The following POP1 variants were observed in gnomAD, a reference collection of about 807,000 sequenced individuals.
The protein encoded by POP1 is POP1 ribonuclease P/MRP subunit, also known as ribonucleases P/MRP protein subunit POP1.
POP1 carries 75 observed loss-of-function variants against 102.2 expected under a neutral mutation model. The ratio of observed to expected loss-of-function variants is 0.73; its 90% confidence interval spans 0.61 to 0.89. The LOEUF (loss-of-function observed/expected upper bound fraction) is 0.89, where lower values mean the gene tolerates loss of function less well. POP1 is among the 40% of genes least tolerant of loss of function. The pLI, the probability that POP1 is intolerant of heterozygous loss-of-function variation, is 0.00. For missense variants in POP1, 1,116 were observed against 1,267.4 expected, an observed-to-expected ratio of 0.88 and a Z score of 1.81; for synonymous variants, 436 against 464.1, an observed-to-expected ratio of 0.94 and a Z score of 0.78.
At chr8:98,135,106 T>C (rs79363673) in intron 7 of POP1, among the ~76,000 whole-genome samples, 11,051 of 152,150 alleles carry the variant, frequency 0.073, 617 homozygotes, top group Middle Eastern at 0.16. Context: ...GGTGAAACCC[T>C]GTCTCTGCAA....
chr8:98,145,676 C>T (rs1427484840), intron 11 of POP1, among the ~76,000 whole-genome samples: 1 of 152,138 alleles, frequency 6.6e-6, no homozygotes, highest in East Asian at 1.9e-4. Flanking sequence ...GAGGCCGAGG[C>T]AGGTGGATCA....
rs557666533 is a variant in POP1 at position 98,144,368 on chromosome 8, C to T, written c.1595-2200C>T. ...ATGGCTCACTGCAGCCTTGAACTCC[C>T]GGGCTCAAGCGATCCTCCCACCGCA... On this transcript the variant is annotated intron_variant, in intron 11 of 15. Coordinates refer to ENST00000401707, the MANE Select transcript of POP1 (RefSeq NM_001145860.2). Among the ~76,000 whole-genome samples the T allele has an allele frequency of 1.3e-4, 19 of 151,938 alleles. No homozygotes were observed. In the South Asian group the frequency reaches 2.5e-3, roughly 20 times the overall value.
At chr8:98,153,992 T>C (rs1005702803) in intron 14 of POP1, among the ~76,000 whole-genome samples, 2 of 152,140 alleles carry the variant, frequency 1.3e-5, no homozygotes, top group African/African-American at 4.8e-5. Context: ...GTGGGGGGAT[T>C]AAGTAGCACA....
chr8:98,127,866 T>C (rs540887856), intron 3 of POP1, 104 bp downstream of exon 3: 32 of 1,208,142 alleles, frequency 2.6e-5, no homozygotes, highest in Non-Finnish European at 3.9e-5. Flanking sequence ...CTCCCCTACC[T>C]CTCCTCTCCT....
Position 98,156,152 on chromosome 8 carries a change from G to A in POP1, c.2160G>A (p.Gln720=). The change falls in exon 15 of 16, where the codon CAG becomes CAA. Residue 720 remains glutamine (Q), a synonymous_variant. Coordinates refer to ENST00000401707, the MANE Select transcript of POP1 (RefSeq NM_001145860.2). The part of the protein sequence containing the change: ...QLTQDWESRV[Q]AYEEPSVASS... ...CTCAAGACTGGGAGTCAAGAGTCCA[G>A]GCTTACGAAGAACCTTCTGTAGCTT... 1 of 1,614,098 alleles carries A rather than the reference G, an allele frequency of 6.2e-7. No individual in the cohort carries two copies. The highest frequency in any genetic ancestry group is 8.5e-7 in the Non-Finnish European group (1 of 1,180,026).
In POP1 at chr8:98,159,616, G is replaced by A. The variant is rs1220703999; in HGVS notation, c.*1345G>A. The A allele has an allele frequency of 6.6e-6, 1 of 152,118 alleles. No individual in the cohort carries two copies. The highest frequency in any genetic ancestry group is 6.5e-5 in the Admixed American group (1 of 15,274). The allele number at this position is 152,118 out of a possible 1,614,324, so 9.4% of individuals were successfully genotyped here. A position where few individuals can be genotyped will look rare whatever the true frequency, so the allele number is the denominator to read the frequency against. Reference sequence around the variant, plus strand: ...TATGTAAATGCATTGGGTTTTTACTGTAGCATTTGGCACTAAATGGCTTTG... The same window carrying A: ...TATGTAAATGCATTGGGTTTTTACTATAGCATTTGGCACTAAATGGCTTTG... On this transcript the variant is annotated 3_prime_UTR_variant, in exon 16 of 16. Coordinates refer to ENST00000401707, the MANE Select transcript of POP1 (RefSeq NM_001145860.2).
Position 98,139,100 on chromosome 8 carries a change from C to T in POP1, c.1363-978C>T, listed in dbSNP as rs572571759. 1.0e-3 allele frequency among the ~76,000 whole-genome samples: 154 copies of T among 152,286 alleles called. 1 individual carries two copies. Among genetic ancestry groups the T allele is most frequent in the Non-Finnish European group, 1.5e-3 (105 of 68,022 alleles). On this transcript the variant is annotated intron_variant, in intron 9 of 15. Coordinates refer to ENST00000401707, the MANE Select transcript of POP1 (RefSeq NM_001145860.2). Reference sequence around the variant, plus strand: ...TCCTGGCCTCAAGTGACCCGCCTGCCTCGGCCTACCAAAATGCTGGCATTA... The same window carrying T: ...TCCTGGCCTCAAGTGACCCGCCTGCTTCGGCCTACCAAAATGCTGGCATTA...
chr8:98,150,511 G>T lies in POP1; in HGVS notation c.1929G>T (p.Gly643=). ...PFIYRGVRVG[G]LKESAVHSQY... Reference sequence around the variant, plus strand: ...TTTATCGAGGTGTGAGAGTCGGAGGGTTGAAAGAGTCTGCAGTGCATTCTC... The same window carrying T: ...TTTATCGAGGTGTGAGAGTCGGAGGTTTGAAAGAGTCTGCAGTGCATTCTC... The change falls in exon 14 of 16, where the codon GGG becomes GGT. Residue 643 remains glycine, a synonymous_variant. Coordinates refer to ENST00000401707, the MANE Select transcript of POP1 (RefSeq NM_001145860.2). 6.2e-7 allele frequency: 1 copy of T among 1,614,002 alleles called. No homozygotes were observed.
chr8:98,127,012 A>T (rs1214307587), intron 2 of POP1, among the ~76,000 whole-genome samples: 1 of 152,146 alleles, frequency 6.6e-6, no homozygotes, highest in Admixed American at 6.5e-5. Flanking sequence ...GAGGGCTGAA[A>T]AGTCCAAGAT....
At chr8:98,126,966 T>G (rs1470726868) in intron 2 of POP1, among the ~76,000 whole-genome samples, 1 of 152,144 alleles carries the variant, frequency 6.6e-6, no homozygotes, top group Non-Finnish European at 1.5e-5. Context: ...TCTTACTGGG[T>G]AGCTTATAAA....
At chr8:98,148,690 T>C (rs1256902303) in intron 12 of POP1, 125 bp from the exon 13 acceptor site, 5 of 830,492 alleles carry the variant, frequency 6.0e-6, no homozygotes, top group Non-Finnish European at 7.9e-6. Context: ...TTTATTTATT[T>C]AGAACGTTTT....
At chr8:98,129,601 A>G (rs1356376608) in intron 4 of POP1, among the ~76,000 whole-genome samples, 3 of 152,312 alleles carry the variant, frequency 2.0e-5, no homozygotes, top group African/African-American at 7.2e-5. Flanking sequence ...TTACAATTCT[A>G]CAGGTTAAAA....
intron 5 of POP1, among the ~76,000 whole-genome samples, chr8:98,130,463 A>G (rs116017409): frequency 0.01 from 1,568 of 152,290 alleles, 31 homozygotes; most frequent in African/African-American, 0.036. Context: ...AGGGAAAAGC[A>G]TACAGTATGA....
chr8:98,126,543 AG>A (rs1423771136), intron 2 of POP1, among the ~76,000 whole-genome samples: 1 of 152,192 alleles, frequency 6.6e-6, no homozygotes, highest in South Asian at 2.1e-4. Context: ...ACACCCACAA[AG>A]ACAAATAAAA....
At chr8:98,143,991 TA>T (rs1349489127) in intron 11 of POP1, among the ~76,000 whole-genome samples, 345 of 138,844 alleles carry the variant, frequency 2.5e-3, no homozygotes, top group Middle Eastern at 3.7e-3. Flanking sequence ...CTGTCTCTAC[TA>T]AAAAAAAAAA....
rs751972489 is a variant in POP1 at position 98,157,696 on chromosome 8, G to T, written c.2500G>T (p.Gly834Cys). Residue 834 changes from glycine (G) to cysteine (C), a missense_variant, in exon 16 of 16, where the codon GGC (glycine) becomes TGC (cysteine). Gly to Cys is a radical substitution (Grantham distance 159, BLOSUM62 -3). Coordinates refer to ENST00000401707, the MANE Select transcript of POP1 (RefSeq NM_001145860.2). ...EDSRGGRRAP[G>C]RGQQGLTREA... is the part of the protein sequence containing the mutation. ...TAGTCGGGGAGGCCGGCGAGCTCCC[G>T]GCAGAGGCCAGCAAGGATTGACCAG... 4 of 1,614,184 alleles carry T rather than the reference G, an allele frequency of 2.5e-6. No homozygotes were observed. Among genetic ancestry groups the T allele is most frequent in the Non-Finnish European group, 3.4e-6 (4 of 1,180,030 alleles).
rs1271944348 is a variant in POP1 at position 98,149,102 on chromosome 8, AG to A, written c.1902+98del. The A allele has an allele frequency of 5.0e-6, 6 of 1,196,976 alleles. No homozygotes were observed. In the East Asian group the frequency reaches 7.6e-5, roughly 15 times the overall value. 74.1% of individuals were successfully genotyped at this position (1,196,976 alleles called of 1,614,324 possible). A position where few individuals can be genotyped will look rare whatever the true frequency, so the allele number is the denominator to read the frequency against. Reference sequence around the variant, plus strand: ...ATGTTCCAGACTTTATGTACAACTTAGGAGGAATTGAGTGGTGTATTTCTGC... The same window carrying A: ...ATGTTCCAGACTTTATGTACAACTTAGAGGAATTGAGTGGTGTATTTCTGC... On this transcript the variant is annotated intron_variant, in intron 13 of 15. Transcript: ENST00000401707.
In POP1 at chr8:98,143,756, C is replaced by T. The variant is rs1337118115; in HGVS notation, c.1595-2812C>T. Among the ~76,000 whole-genome samples, 3 of 152,192 alleles carry T rather than the reference C, an allele frequency of 2.0e-5. No individual in the cohort carries two copies. The East Asian group carries it at 5.8e-4, about 29-fold the overall frequency. On this transcript the variant is annotated intron_variant, in intron 11 of 15. Coordinates refer to ENST00000401707, the MANE Select transcript of POP1 (RefSeq NM_001145860.2). ...CTTCCGATAACCACTGATCTTTTTACTACCTCCATAGTTTTGTGTTTTTTA... is the reference window on the plus strand; with the variant it reads ...CTTCCGATAACCACTGATCTTTTTATTACCTCCATAGTTTTGTGTTTTTTA...
intron 13 of POP1, 40 bp from the exon 14 acceptor site, chr8:98,150,445 A>G: frequency 6.2e-7 from 1 of 1,611,292 alleles, no homozygotes; most frequent in Non-Finnish European, 8.5e-7. Flanking sequence ...ATTCACTTTA[A>G]GTTGGTAGAC....
Sources: allele counts gnomAD v4.1 joint callset (sites outside exome capture counted in the v4.1 genomes callset), GRCh38; gene constraint gnomAD v4.1.1; transcripts MANE v1.5; gene names NCBI Gene and HGNC (gene_info 2026-07-23, HGNC 2026-07-21).